MGAT4D: variants seen among roughly 807,000 people sequenced by gnomAD.
MGAT4D encodes the protein MGAT4 family member D, also known as alpha-1,3-mannosyl-glycoprotein 4-beta-N-acetylglucosaminyltransferase-like protein MGAT4D.
Under a neutral mutation model 15.9 loss-of-function variants are expected in MGAT4D, and 34 were observed. That is an observed-to-expected ratio of 2.14 (90% CI 1.62 to 2.84). MGAT4D has a LOEUF of 2.84. Among genes scored for constraint, MGAT4D ranks in the 30% most tolerant of loss-of-function variants. The pLI is 0.00. For synonymous variants in MGAT4D, 112 were observed against 48.2 expected (o/e 2.33, Z -5.49); for missense variants, 327 against 140.2 (o/e 2.33, Z -6.73).
chr4:140,466,607 G>A (rs1731548143), intron 5 of MGAT4D, among the ~76,000 whole-genome samples: 1 of 152,018 alleles, frequency 6.6e-6, no homozygotes, highest in African/African-American at 2.4e-5. Context: ...TAATAAATTA[G>A]CTTAACAATA....
At chr4:140,472,981 C>T (rs1310275884) in intron 4 of MGAT4D, among the ~76,000 whole-genome samples, 1 of 151,950 alleles carries the variant, frequency 6.6e-6, no homozygotes, top group African/African-American at 2.4e-5. Context: ...ATAGAAAATT[C>T]AAGCAATAAC....
chr4:140,473,402 G>A (rs1732103894), intron 4 of MGAT4D, among the ~76,000 whole-genome samples: 2 of 152,096 alleles, frequency 1.3e-5, no homozygotes, highest in Admixed American at 1.3e-4. Flanking sequence ...ACCCAACAAT[G>A]CACTGAAAAT....
intron 1 of MGAT4D, among the ~76,000 whole-genome samples, chr4:140,497,158 C>T (rs7688115): frequency 0.15 from 23,176 of 152,032 alleles, 1,969 homozygotes; most frequent in African/African-American, 0.21. Flanking sequence ...CTCAGCACTC[C>T]TACCAAGATT....
intron 10 of MGAT4D, 129 bp downstream of exon 10, chr4:140,451,281 T>C (rs987445534): frequency 1.3e-5 from 5 of 386,468 alleles, no homozygotes; most frequent in Non-Finnish European, 2.3e-5. Context: ...CATACAGTAC[T>C]GTCATAAGAT....
intron 8 of MGAT4D, chr4:140,458,474 AC>A (rs1207249437): frequency 2.6e-5 from 4 of 152,198 alleles, no homozygotes; most frequent in Non-Finnish European, 5.9e-5. Flanking sequence ...TTTGGATGTG[AC>A]TATAAGACAG....
At chr4:140,480,925 A>AC (rs1225540866) in intron 2 of MGAT4D, among the ~76,000 whole-genome samples, 1 of 151,978 alleles carries the variant, frequency 6.6e-6, no homozygotes. Flanking sequence ...CAGACATTTC[A>AC]CCAAAGAAGA....
intron 1 of MGAT4D, among the ~76,000 whole-genome samples, chr4:140,491,078 A>C (rs1247108731): frequency 6.6e-6 from 1 of 152,044 alleles, no homozygotes; most frequent in Admixed American, 6.6e-5. Flanking sequence ...TCCCTCTCTT[A>C]CCTTTTCTTG....
intron 1 of MGAT4D, among the ~76,000 whole-genome samples, chr4:140,486,291 T>C (rs1330881823): frequency 6.6e-6 from 1 of 152,128 alleles, no homozygotes; most frequent in African/African-American, 2.4e-5. Context: ...GCTAAGACAT[T>C]ACCACCTCAG....
intron 3 of MGAT4D, among the ~76,000 whole-genome samples, chr4:140,478,629 G>A (rs549889491): frequency 1.3e-5 from 2 of 152,272 alleles, no homozygotes; most frequent in Non-Finnish European, 2.9e-5. Context: ...AAGATTAAAT[G>A]AGATAATGTA....
At chr4:140,489,484 C>A (rs191321345) in intron 1 of MGAT4D, among the ~76,000 whole-genome samples, 17 of 152,108 alleles carry the variant, frequency 1.1e-4, no homozygotes, top group Non-Finnish European at 1.5e-4. Flanking sequence ...GTTTCCTTCC[C>A]AGATCCAATT....
chr4:140,472,199 C>T (rs746551791), intron 4 of MGAT4D, among the ~76,000 whole-genome samples: 1 of 152,094 alleles, frequency 6.6e-6, no homozygotes, highest in Non-Finnish European at 1.5e-5. Flanking sequence ...GAAAACTACT[C>T]TTCATTTCCT....
intron 6 of MGAT4D, 117 bp from the exon 7 acceptor site, chr4:140,462,121 G>T: frequency 1.9e-6 from 1 of 517,464 alleles, no homozygotes; most frequent in Admixed American, 3.2e-5. Flanking sequence ...CTACAATTAA[G>T]TAACTAATTT....
Position 140,498,109 on chromosome 4 carries a change from G to T in MGAT4D, c.94+20C>A. The T allele has an allele frequency of 1.4e-6, 1 of 696,288 alleles. No individual in the cohort carries two copies. The highest frequency in any genetic ancestry group is 1.5e-5 in the South Asian group (1 of 66,702). 43.1% of individuals were successfully genotyped at this position (696,288 alleles called of 1,614,324 possible). ...GCCCCCGCGGCGGGAAAGGAGGCGG[G>T]AGGAGGGCCCGCCGCTTACTGGTTT... On this transcript the variant is annotated intron_variant, in intron 1 of 10. Coordinates refer to ENST00000511113, the MANE Select transcript of MGAT4D (RefSeq NM_001277353.2).
intron 2 of MGAT4D, 132 bp downstream of exon 2, chr4:140,482,195 T>C (rs1169707881): frequency 2.1e-6 from 1 of 471,596 alleles, no homozygotes; most frequent in Non-Finnish European, 3.7e-6. Context: ...TCTTACCTGA[T>C]TTTTGCACGT....
intron 2 of MGAT4D, among the ~76,000 whole-genome samples, chr4:140,481,873 G>A (rs1371734055): frequency 6.6e-6 from 1 of 152,160 alleles, no homozygotes. Flanking sequence ...GCCACTGAAG[G>A]TTTATATGAG....
intron 10 of MGAT4D, chr4:140,449,932 G>A: frequency 4.5e-6 from 1 of 220,272 alleles, no homozygotes. Context: ...ATAAATATCT[G>A]ATGATTGTCT....
intron 1 of MGAT4D, among the ~76,000 whole-genome samples, chr4:140,483,380 T>C (rs969838210): frequency 9.2e-5 from 14 of 152,032 alleles, no homozygotes. Flanking sequence ...AAGACACAAA[T>C]AAATGGAAAG....
intron 10 of MGAT4D, among the ~76,000 whole-genome samples, chr4:140,444,556 C>G (rs1560758343): frequency 6.6e-6 from 1 of 152,140 alleles, no homozygotes; most frequent in African/African-American, 2.4e-5. Context: ...TGATCTCGTT[C>G]TTTTTTATGG....
chr4:140,459,011 T>TA (rs1262744302), intron 8 of MGAT4D: 1 of 152,118 alleles, frequency 6.6e-6, no homozygotes, highest in Non-Finnish European at 1.5e-5. Context: ...GGAAGGGTAG[T>TA]AAAAAAGATC....
Sources: allele counts gnomAD v4.1 joint callset (sites outside exome capture counted in the v4.1 genomes callset), GRCh38; gene constraint gnomAD v4.1.1; transcripts MANE v1.5; gene names NCBI Gene and HGNC (gene_info 2026-07-23, HGNC 2026-07-21).